BST1: variants seen among roughly 807,000 people sequenced by gnomAD.
BST1 encodes the protein bone marrow stromal cell antigen 1.
In BST1, 49 loss-of-function variants were observed where a neutral mutation model predicts 40.6. That is an observed-to-expected ratio of 1.21 (90% CI 0.96 to 1.53). BST1 has a LOEUF of 1.53. Among genes scored for constraint, BST1 ranks in the 40% most tolerant of loss-of-function variants. The probability of loss-of-function intolerance (pLI) is 0.00; values close to 1 mark genes in which losing one functional copy is unlikely to be tolerated. For synonymous variants in BST1, 157 were observed against 159.3 expected (o/e 0.99, Z 0.11); for missense variants, 423 against 395.9 (o/e 1.07, Z -0.58).
At chr4:15,759,332 T>G in the BST1 span, among the ~76,000 whole-genome samples, 1 of 151,906 alleles carries the variant, frequency 6.6e-6, no homozygotes, top group Non-Finnish European at 1.5e-5. Flanking sequence ...AAATGCTGTA[T>G]TCACCACACT....
At chr4:15,741,270 G>A (rs1721735433), downstream of BST1, among the ~76,000 whole-genome samples, 1 of 152,134 alleles carries the variant, frequency 6.6e-6, no homozygotes, top group Admixed American at 6.5e-5. Context: ...GACAGGCCAG[G>A]GAGGACACCA....
intron 8 of BST1, among the ~76,000 whole-genome samples, chr4:15,729,105 A>C (rs1721260401): frequency 6.6e-6 from 1 of 152,222 alleles, no homozygotes; most frequent in African/African-American, 2.4e-5. Flanking sequence ...TGCTAATTTA[A>C]AGTCATTTAA....
At chr4:15,736,106 A>T, downstream of BST1, 1 of 1,288,780 alleles carries the variant, frequency 7.8e-7, no homozygotes. Context: ...GAACCATACA[A>T]CCGCCGGTTC....
chr4:15,745,266 T>C, the BST1 span, among the ~76,000 whole-genome samples: 1 of 152,214 alleles, frequency 6.6e-6, no homozygotes, highest in African/African-American at 2.4e-5. Flanking sequence ...TTGAATTACA[T>C]ACAAATATAA....
At chr4:15,715,221 G>A in intron 4 of BST1, 64 bp from the exon 5 acceptor site, 1 of 1,442,792 alleles carries the variant, frequency 6.9e-7, no homozygotes, top group Non-Finnish European at 9.7e-7. Flanking sequence ...TGTAAAAAAT[G>A]CACATTTCAT....
chr4:15,752,884 C>G, the BST1 span, among the ~76,000 whole-genome samples: 1 of 152,114 alleles, frequency 6.6e-6, no homozygotes, highest in East Asian at 1.9e-4. Context: ...CTTCTGGCCA[C>G]TGCACATTGA....
chr4:15,703,956 T>C (rs180901861), intron 1 of BST1, among the ~76,000 whole-genome samples: 67 of 140,828 alleles, frequency 4.8e-4, no homozygotes, highest in African/African-American at 1.8e-3. Context: ...GTGTGTGTTC[T>C]AGAAGTGAGG....
the BST1 span, among the ~76,000 whole-genome samples, chr4:15,749,012 T>A: frequency 1.3e-5 from 2 of 152,152 alleles, no homozygotes; most frequent in Non-Finnish European, 2.9e-5. Context: ...AAGCAAGTTG[T>A]CACTGAGGGC....
chr4:15,753,476 G>A, the BST1 span, among the ~76,000 whole-genome samples: 8,935 of 152,266 alleles, frequency 0.059, 380 homozygotes, highest in East Asian at 0.16. Flanking sequence ...TCGCGCCAGT[G>A]GGTGTCCTTT....
intron 1 of BST1, among the ~76,000 whole-genome samples, chr4:15,704,365 A>G (rs1719756435): frequency 2.1e-5 from 3 of 140,608 alleles, no homozygotes; most frequent in Admixed American, 1.4e-4. Flanking sequence ...TGTGTGTTCT[A>G]GAAGTGAGAG....
chr4:15,768,197 G>A, the BST1 span, among the ~76,000 whole-genome samples: 1 of 152,164 alleles, frequency 6.6e-6, no homozygotes. Context: ...AAAGAGCAGC[G>A]GTTCCGATTC....
chr4:15,722,828 A>G, intron 7 of BST1, 47 bp from the exon 8 acceptor site: 2 of 1,555,502 alleles, frequency 1.3e-6, no homozygotes, highest in African/African-American at 1.4e-5. Context: ...TGGTTGATGG[A>G]TGAAAGTTAT....
At chr4:15,710,515 T>C (rs573063878) in intron 3 of BST1, among the ~76,000 whole-genome samples, 3 of 152,180 alleles carry the variant, frequency 2.0e-5, no homozygotes, top group Non-Finnish European at 4.4e-5. Context: ...CTATTGTGCA[T>C]TACAGCCCCA....
chr4:15,703,307 C>G lies in BST1; in HGVS notation c.163C>G (p.Arg55Gly), dbSNP rs1003143065. 3.3e-6 allele frequency: 5 copies of G among 1,526,714 alleles called. No homozygotes were observed. The highest frequency in any genetic ancestry group is 2.1e-4 in the Middle Eastern group (1 of 4,878). 94.6% of individuals were successfully genotyped at this position (1,526,714 alleles called of 1,614,324 possible). A position where few individuals can be genotyped will look rare whatever the true frequency, so the allele number is the denominator to read the frequency against. ...CTTCCTGGGCCGCTGCGCCGAGTACCGCGCACTGCTGAGTCCCGAGCAGCG... is the reference window on the plus strand; with the variant it reads ...CTTCCTGGGCCGCTGCGCCGAGTACGGCGCACTGCTGAGTCCCGAGCAGCG... ...DIFLGRCAEY[R>G]ALLSPEQRNK... The change falls in exon 1 of 9, where the codon CGC (arginine) becomes GGC (glycine). Residue 55 changes from arginine (R) to glycine (G), a missense_variant. By Grantham distance (125) the Arg-to-Gly change is moderately radical. Coordinates refer to ENST00000265016, the MANE Select transcript of BST1 (RefSeq NM_004334.3).
downstream of BST1, chr4:15,743,147 A>G (rs576745688): frequency 6.3e-6 from 1 of 158,220 alleles, no homozygotes; most frequent in Non-Finnish European, 1.4e-5. Flanking sequence ...ACAAATTACA[A>G]TGTCAGAGGA....
chr4:15,741,215 T>C (rs1352346942), downstream of BST1, among the ~76,000 whole-genome samples: 2 of 152,118 alleles, frequency 1.3e-5, no homozygotes, highest in Non-Finnish European at 2.9e-5. Flanking sequence ...ACAGCTGGAT[T>C]GGCAGGCTTC....
chr4:15,718,898 A>G lies in BST1; in HGVS notation c.705-9A>G, dbSNP rs758794842. 4 of 1,611,244 alleles carry G rather than the reference A, an allele frequency of 2.5e-6. No individual in the cohort carries two copies. The highest frequency in any genetic ancestry group is 3.4e-6 in the Non-Finnish European group (4 of 1,178,636). On this transcript the variant is annotated splice_polypyrimidine_tract_variant and intron_variant, in intron 6 of 8. Coordinates refer to ENST00000265016, the MANE Select transcript of BST1 (RefSeq NM_004334.3). The stretch of plus-strand genomic sequence containing the variant: ...GCTTACTTTTTAATTATATATTTTC[A>G]TGTTTTAGGGAATCCTGCGGGGAAG...
the BST1 span, among the ~76,000 whole-genome samples, chr4:15,754,841 C>T: frequency 2.0e-5 from 3 of 152,204 alleles, no homozygotes; most frequent in African/African-American, 4.8e-5. Flanking sequence ...ACCTCTAATT[C>T]GGATGACCAC....
the BST1 span, among the ~76,000 whole-genome samples, chr4:15,764,776 T>C: frequency 6.6e-6 from 1 of 151,898 alleles, no homozygotes; most frequent in Non-Finnish European, 1.5e-5. Context: ...CCCAATCTAA[T>C]TGGAGCACTC....
Sources: gnomAD v4.1 joint callset for allele counts (sites outside exome capture counted in the v4.1 genomes callset) on GRCh38, gnomAD v4.1.1 for gene constraint, MANE v1.5 for transcripts, NCBI Gene and HGNC (gene_info 2026-07-23, HGNC 2026-07-21) for gene names.